The following LRRC4C variants were observed in gnomAD, a reference collection of about 807,000 sequenced individuals.
LRRC4C encodes leucine rich repeat containing 4C, also known as leucine-rich repeat-containing protein 4C.
In LRRC4C, 5 loss-of-function variants were observed where a neutral mutation model predicts 33.6. The ratio of observed to expected loss-of-function variants is 0.15; its 90% CI spans 0.08 to 0.31. The LOEUF (loss-of-function observed/expected upper bound fraction) is 0.31. Ranked by LOEUF, LRRC4C falls within the 10% of genes least tolerant of loss-of-function variation. The probability of loss-of-function intolerance (pLI) is 1.00; values close to 1 mark genes in which losing one functional copy is unlikely to be tolerated. For missense variants in LRRC4C, 560 were observed against 796.7 expected (o/e 0.70, Z 3.58); for synonymous variants, 329 against 302.0 (o/e 1.09, Z -0.93).
chr11:41,013,648 G>T (rs1382520876), intron 1 of LRRC4C, among the ~76,000 whole-genome samples: 2 of 152,118 alleles, frequency 1.3e-5, no homozygotes, highest in Non-Finnish European at 2.9e-5. Context: ...AGTTTTAGAG[G>T]CTGAGAAGTC....
intron 2 of LRRC4C, among the ~76,000 whole-genome samples, chr11:40,692,686 A>G (rs1220790450): frequency 6.6e-6 from 1 of 152,012 alleles, no homozygotes; most frequent in African/African-American, 2.4e-5. Context: ...TTTGCAGATA[A>G]TTGCTTTATG....
intron 2 of LRRC4C, among the ~76,000 whole-genome samples, chr11:40,674,614 T>G (rs1416824751): frequency 6.6e-6 from 1 of 152,194 alleles, no homozygotes; most frequent in Non-Finnish European, 1.5e-5. Flanking sequence ...TTTTAGGTAC[T>G]ATTATAATAC....
intron 1 of LRRC4C, among the ~76,000 whole-genome samples, chr11:41,377,574 T>C (rs141006726): frequency 6.6e-6 from 1 of 152,260 alleles, no homozygotes; most frequent in African/African-American, 2.4e-5. Flanking sequence ...TTTTTTCCCA[T>C]GGCATGGTAC....
intron 3 of LRRC4C, among the ~76,000 whole-genome samples, chr11:40,644,698 C>T (rs979893018): frequency 6.6e-6 from 1 of 152,148 alleles, no homozygotes; most frequent in East Asian, 1.9e-4. Flanking sequence ...AAATAACATT[C>T]TTGTAATGAC....
chr11:40,139,864 T>C (rs1857244170), intron 6 of LRRC4C, among the ~76,000 whole-genome samples: 1 of 152,152 alleles, frequency 6.6e-6, no homozygotes, highest in Admixed American at 6.6e-5. Context: ...CCCCTGGGGG[T>C]CCGAAGAAAC....
intron 1 of LRRC4C, among the ~76,000 whole-genome samples, chr11:41,421,811 G>A (rs1299912228): frequency 3.3e-5 from 5 of 151,828 alleles, no homozygotes; most frequent in African/African-American, 9.7e-5. Flanking sequence ...CATCATTGTC[G>A]ATCCGGGAAG....
chr11:40,189,635 C>T (rs1565110295), intron 5 of LRRC4C, among the ~76,000 whole-genome samples: 1 of 152,132 alleles, frequency 6.6e-6, no homozygotes, highest in Non-Finnish European at 1.5e-5. Flanking sequence ...GAGACACTGG[C>T]TAAAAGATCA....
chr11:40,763,011 A>G (rs905839680), intron 2 of LRRC4C, among the ~76,000 whole-genome samples: 2 of 133,692 alleles, frequency 1.5e-5, no homozygotes, highest in Non-Finnish European at 3.3e-5. Flanking sequence ...AAAGATACTC[A>G]TTTGCAATAT....
At chr11:41,178,017 A>T (rs1051177487) in intron 1 of LRRC4C, among the ~76,000 whole-genome samples, 3 of 152,128 alleles carry the variant, frequency 2.0e-5, no homozygotes, top group African/African-American at 7.2e-5. Context: ...TCTATATAAC[A>T]TGTCACCTCC....
intron 1 of LRRC4C, among the ~76,000 whole-genome samples, chr11:40,989,751 A>T (rs1347533147): frequency 1.3e-5 from 2 of 152,106 alleles, no homozygotes; most frequent in Non-Finnish European, 2.9e-5. Context: ...AGTTGTTTTC[A>T]CACGTCAAAA....
At chr11:40,357,851 G>T (rs756944836) in intron 3 of LRRC4C, among the ~76,000 whole-genome samples, 1 of 152,002 alleles carries the variant, frequency 6.6e-6, no homozygotes, top group Non-Finnish European at 1.5e-5. Context: ...GAAGTAAAAG[G>T]GATCTTAACT....
At chr11:40,479,410 TA>T (rs746095250) in intron 3 of LRRC4C, among the ~76,000 whole-genome samples, 31 of 152,128 alleles carry the variant, frequency 2.0e-4, no homozygotes, top group Non-Finnish European at 4.1e-4. Flanking sequence ...GAGCTTATGT[TA>T]CAGAGAGGAG....
chr11:41,200,134 C>A (rs541815411), intron 1 of LRRC4C, among the ~76,000 whole-genome samples: 1 of 152,074 alleles, frequency 6.6e-6, no homozygotes, highest in South Asian at 2.1e-4. Flanking sequence ...TTGTTCAATT[C>A]TTTGATGTAT....
chr11:41,360,358 C>T (rs150127234), intron 1 of LRRC4C, among the ~76,000 whole-genome samples: 1,806 of 152,196 alleles, frequency 0.012, 20 homozygotes, highest in Middle Eastern at 0.061. Flanking sequence ...ATTTATCTAT[C>T]CATAGCCCAA....
At chr11:40,477,159 C>T (rs538396319) in intron 3 of LRRC4C, among the ~76,000 whole-genome samples, 1 of 152,290 alleles carries the variant, frequency 6.6e-6, no homozygotes, top group Non-Finnish European at 1.5e-5. Flanking sequence ...TGAAAGGAGA[C>T]ATTTGAGCTG....
chr11:40,351,026 G>T (rs573140299), intron 3 of LRRC4C, among the ~76,000 whole-genome samples: 8 of 152,024 alleles, frequency 5.3e-5, no homozygotes, highest in African/African-American at 1.9e-4. Context: ...CATATCATCT[G>T]CAAACAAAGA....
chr11:40,789,112 A>AG (rs1950533487), intron 2 of LRRC4C, among the ~76,000 whole-genome samples: 1 of 151,408 alleles, frequency 6.6e-6, no homozygotes, highest in South Asian at 2.1e-4. Context: ...AAAAAAAAAA[A>AG]AAAAAGCATA....
intron 3 of LRRC4C, among the ~76,000 whole-genome samples, chr11:40,322,398 A>C (rs903258583): frequency 3.9e-5 from 6 of 152,044 alleles, no homozygotes; most frequent in Admixed American, 3.9e-4. Context: ...CACATGTGCC[A>C]CCATGCCTGG....
intron 3 of LRRC4C, among the ~76,000 whole-genome samples, chr11:40,450,295 G>A (rs1422008956): frequency 6.6e-6 from 1 of 152,052 alleles, no homozygotes; most frequent in African/African-American, 2.4e-5. Context: ...CATATTTTGT[G>A]TTTATGTGTT....
Sources: gnomAD v4.1 joint callset for allele counts (sites outside exome capture counted in the v4.1 genomes callset) on GRCh38, gnomAD v4.1.1 for gene constraint, MANE v1.5 for transcripts, NCBI Gene and HGNC (gene_info 2026-07-23, HGNC 2026-07-21) for gene names.